Variants in CHD7 observed in about 807,000 individuals in gnomAD.
CHD7 encodes ATP-dependent chromatin remodeler CHD7.
A neutral mutation model predicts 307.3 loss-of-function variants in CHD7; 24 were observed. The observed-to-expected ratio is 0.08, with a 90% CI of 0.06 to 0.11. The LOEUF is 0.11. CHD7 is among the 10% of genes least tolerant of loss of function. The pLI is 1.00. For missense variants in CHD7, 3,106 were observed against 3,727.1 expected (o/e 0.83, Z 4.34); for synonymous variants, 1,363 against 1,349.9 (o/e 1.01, Z -0.21).
At chr8:60,716,222 C>A (rs1807591973) in intron 1 of CHD7, among the ~76,000 whole-genome samples, 1 of 152,196 alleles carries the variant, frequency 6.6e-6, no homozygotes. Context: ...TACTGCTCTC[C>A]CTGCTGTTGC....
intron 1 of CHD7, among the ~76,000 whole-genome samples, chr8:60,728,299 G>A (rs1029763528): frequency 5.9e-5 from 9 of 152,182 alleles, no homozygotes; most frequent in African/African-American, 1.2e-4. Flanking sequence ...TAGTATTAGC[G>A]GAGAGATGGA....
At chr8:60,743,133 G>A (rs972739121) in intron 2 of CHD7, 36 bp downstream of exon 2, 4 of 1,551,362 alleles carry the variant, frequency 2.6e-6, no homozygotes, top group Non-Finnish European at 3.5e-6. Context: ...GCATTGCAGT[G>A]TGAAATTCAA....
At chr8:60,864,667 AC>A (rs1806160288) in intron 37 of CHD7, 1 of 258,702 alleles carries the variant, frequency 3.9e-6, no homozygotes, top group African/African-American at 2.2e-5. Flanking sequence ...CTGTGTAGTC[AC>A]CCTGTTGTGT....
chr8:60,749,734 A>G (rs1045997031), intron 2 of CHD7, among the ~76,000 whole-genome samples: 5 of 152,204 alleles, frequency 3.3e-5, no homozygotes, highest in Non-Finnish European at 7.3e-5. Flanking sequence ...GAAGGAAGGC[A>G]AAAGAAATCA....
chr8:60,709,673 T>C (rs1167081722), intron 1 of CHD7, among the ~76,000 whole-genome samples: 1 of 152,228 alleles, frequency 6.6e-6, no homozygotes, highest in African/African-American at 2.4e-5. Flanking sequence ...TCTTTAGTTA[T>C]AATTTATTCA....
chr8:60,760,557 A>G lies in CHD7; in HGVS notation c.1665+17460A>G, dbSNP rs1225855793. On this transcript the variant is annotated intron_variant, in intron 2 of 37. Coordinates refer to ENST00000423902, the MANE Select transcript of CHD7 (RefSeq NM_017780.4). ...AAACTACCATCAGAGTGAACAGGCA[A>G]CCTACAAAATGGGAGAAAATTTTCA... 1.2e-4 allele frequency among the ~76,000 whole-genome samples: 18 copies of G among 144,578 alleles called. No homozygotes were observed. In the East Asian group the frequency reaches 2.4e-3, roughly 19 times the overall value. 94.8% of individuals were successfully genotyped at this position (144,578 alleles called of 152,430 possible).
At chr8:60,796,358 C>G (rs935006692) in intron 4 of CHD7, among the ~76,000 whole-genome samples, 7 of 152,162 alleles carry the variant, frequency 4.6e-5, no homozygotes, top group Admixed American at 2.0e-4. Flanking sequence ...TGTTTTTTTA[C>G]TGAGATCTGG....
intron 2 of CHD7, among the ~76,000 whole-genome samples, chr8:60,758,166 T>C (rs574324145): frequency 4.6e-5 from 7 of 152,282 alleles, no homozygotes; most frequent in Admixed American, 2.6e-4. Context: ...GAGGTGGTCT[T>C]ACTCTGTCAC....
At position 60,726,060 on chromosome 8, in the gene CHD7, A is replaced by T. The variant is rs538548567; in HGVS notation, c.-174-15199A>T. On this transcript the variant is annotated intron_variant, in intron 1 of 37. Transcript: ENST00000423902. The stretch of plus-strand genomic sequence containing the variant: ...AGGAGCAGTTACTTTCCGATTACTA[A>T]TAGTTTCCTGGTAAATATCCCATAA... 1.1e-3 allele frequency among the ~76,000 whole-genome samples: 161 copies of T among 152,364 alleles called. 2 individuals carry two copies. Among genetic ancestry groups the T allele is most frequent in the African/African-American group, 3.6e-3 (151 of 41,586 alleles).
intron 1 of CHD7, among the ~76,000 whole-genome samples, chr8:60,736,099 A>G (rs1370468226): frequency 6.6e-6 from 1 of 152,224 alleles, no homozygotes; most frequent in Non-Finnish European, 1.5e-5. Flanking sequence ...CAGGGGGTTC[A>G]GGAAGGGCAT....
At chr8:60,826,926 C>G (rs1804277831) in intron 13 of CHD7, among the ~76,000 whole-genome samples, 1 of 152,302 alleles carries the variant, frequency 6.6e-6, no homozygotes, top group Admixed American at 6.5e-5. Flanking sequence ...AGCACATCTG[C>G]TAGCATAGGT....
intron 1 of CHD7, among the ~76,000 whole-genome samples, chr8:60,682,933 T>TA (rs35943554): frequency 2.6e-5 from 4 of 152,170 alleles, no homozygotes; most frequent in African/African-American, 9.7e-5. Context: ...TTTCTACATG[T>TA]AAAAAGTAAG....
chr8:60,821,799 C>G lies in CHD7; in HGVS notation c.2707C>G (p.His903Asp), dbSNP rs1250318873. The G allele has an allele frequency of 6.4e-7, 1 of 1,558,940 alleles. No individual in the cohort carries two copies. Among genetic ancestry groups the G allele is most frequent in the South Asian group, 1.2e-5 (1 of 84,680 alleles). The change falls in exon 10 of 38, where the codon CAC (histidine) becomes GAC (aspartate). Residue 903 changes from histidine (H) to aspartate (D), a missense_variant. Transcript: ENST00000423902. ...TTTAAATCTGGTCCAGCCTGTGACT[C>G]ACTATCTGGTGAAGTGGTGTTCACT... Reference protein sequence around the residue: ...STDDRGEPVTHYLVKWCSLPY... With the variant: ...STDDRGEPVTDYLVKWCSLPY...
At chr8:60,759,262 C>CA (rs1299471432) in intron 2 of CHD7, among the ~76,000 whole-genome samples, 2 of 152,136 alleles carry the variant, frequency 1.3e-5, no homozygotes, top group African/African-American at 2.4e-5. Context: ...CCACCACTGC[C>CA]AGGTCATGTC....
At chr8:60,707,169 T>C (rs937290345) in intron 1 of CHD7, among the ~76,000 whole-genome samples, 3 of 152,210 alleles carry the variant, frequency 2.0e-5, no homozygotes, top group Non-Finnish European at 4.4e-5. Context: ...ATCTGATAAA[T>C]ATTAGTAAGA....
rs1586246756 is a variant in CHD7 at position 60,741,322 on chromosome 8, C to T, written c.-111C>T. 2.6e-6 allele frequency: 2 copies of T among 763,792 alleles called. No homozygotes were observed. The highest frequency in any genetic ancestry group is 5.4e-5 in the East Asian group (2 of 37,236). The allele number at this position is 763,792 out of a possible 1,614,324, so 47.3% of individuals were successfully genotyped here. ...AGAGAATTAAAGAAATATGGAATGA[C>T]ATGAAGAAGATTAGTTAAGGATTAT... On this transcript the variant is annotated 5_prime_UTR_variant, in exon 2 of 38. Coordinates refer to ENST00000423902, the MANE Select transcript of CHD7 (RefSeq NM_017780.4).
chr8:60,836,770 G>A, intron 16 of CHD7, 47 bp from the exon 17 acceptor site: 1 of 1,379,516 alleles, frequency 7.2e-7, no homozygotes, highest in Non-Finnish European at 1.0e-6. Context: ...GAGCAAGTAT[G>A]TTGTCGCTAT....
intron 15 of CHD7, among the ~76,000 whole-genome samples, chr8:60,831,896 T>A (rs2150767484): frequency 1.3e-5 from 2 of 152,314 alleles, no homozygotes; most frequent in South Asian, 4.1e-4. Flanking sequence ...TCGGCCACCC[T>A]AGATTCAGAA....
chr8:60,862,992 A>C, intron 37 of CHD7: 1 of 204,562 alleles, frequency 4.9e-6, no homozygotes, highest in Non-Finnish European at 9.6e-6. Context: ...ATTAACTGTG[A>C]TTTCTGATTT....
Sources: gnomAD v4.1 joint callset for allele counts (sites outside exome capture counted in the v4.1 genomes callset) on GRCh38, gnomAD v4.1.1 for gene constraint, MANE v1.5 for transcripts, NCBI Gene and HGNC (gene_info 2026-07-23, HGNC 2026-07-21) for gene names.